Variants in ARMH4 observed in about 807,000 individuals in gnomAD.
ARMH4 encodes the protein armadillo-like helical domain-containing protein 4.
ARMH4 carries 49 observed loss-of-function variants against 61.9 expected under a neutral mutation model. The ratio of observed to expected loss-of-function variants is 0.79; its 90% CI spans 0.63 to 1.00. The LOEUF is 1.00. Ranked by LOEUF, ARMH4 falls within the 50% of genes least tolerant of loss-of-function variation. The pLI, the probability that ARMH4 is intolerant of heterozygous loss-of-function variation, is 0.00. For synonymous variants in ARMH4, 368 were observed against 341.5 expected, an observed-to-expected ratio of 1.08 and a Z score of -0.85; for missense variants, 934 against 930.0, an observed-to-expected ratio of 1.00 and a Z score of -0.06.
chr14:58,097,969 T>C (rs562860684), intron 4 of ARMH4, among the ~76,000 whole-genome samples: 64 of 152,196 alleles, frequency 4.2e-4, no homozygotes, highest in Non-Finnish European at 8.5e-4. Flanking sequence ...CTAGTAATAC[T>C]TCAAGGCCCC....
chr14:58,123,835 A>G (rs538117681), intron 4 of ARMH4, among the ~76,000 whole-genome samples: 9 of 152,356 alleles, frequency 5.9e-5, no homozygotes, highest in African/African-American at 2.2e-4. Flanking sequence ...GTCCTTCGGT[A>G]CATGGATGAT....
At chr14:58,098,972 A>G (rs1338387646) in intron 4 of ARMH4, among the ~76,000 whole-genome samples, 1 of 152,178 alleles carries the variant, frequency 6.6e-6, no homozygotes, top group Non-Finnish European at 1.5e-5. Flanking sequence ...CTAGGGTACA[A>G]TCTGGAAAGA....
intron 1 of ARMH4, among the ~76,000 whole-genome samples, chr14:58,151,781 G>C (rs995104750): frequency 1.3e-5 from 2 of 152,250 alleles, no homozygotes; most frequent in Non-Finnish European, 2.9e-5. Context: ...ACAAAGGCCG[G>C]CTCGCTGGTG....
intron 5 of ARMH4, among the ~76,000 whole-genome samples, chr14:58,075,938 A>C (rs1326269522): frequency 6.6e-6 from 1 of 152,202 alleles, no homozygotes; most frequent in Non-Finnish European, 1.5e-5. Flanking sequence ...ATAAGGTCTT[A>C]TAAGTTACCA....
At chr14:58,009,041 AC>A (rs1882288489) in intron 6 of ARMH4, among the ~76,000 whole-genome samples, 1 of 152,176 alleles carries the variant, frequency 6.6e-6, no homozygotes, top group African/African-American at 2.4e-5. Context: ...AGCCAAGAAG[AC>A]AGTTAATGAT....
chr14:58,066,995 A>G (rs1321379624), intron 5 of ARMH4, among the ~76,000 whole-genome samples: 1 of 152,352 alleles, frequency 6.6e-6, no homozygotes, highest in East Asian at 1.9e-4. Context: ...TGGAAAAAAT[A>G]TAATGTCAAC....
intron 6 of ARMH4, among the ~76,000 whole-genome samples, chr14:58,006,548 CA>C (rs1882175737): frequency 6.6e-6 from 1 of 152,186 alleles, no homozygotes; most frequent in Non-Finnish European, 1.5e-5. Context: ...TTCTGCCTCC[CA>C]GAGTCTTCAC....
intron 5 of ARMH4, among the ~76,000 whole-genome samples, chr14:58,025,671 C>G (rs564635757): frequency 6.6e-6 from 1 of 152,022 alleles, no homozygotes; most frequent in South Asian, 2.1e-4. Flanking sequence ...TTAAGAATAA[C>G]AAAACTTACT....
At chr14:58,119,710 A>G (rs1000438441) in intron 4 of ARMH4, among the ~76,000 whole-genome samples, 5 of 152,210 alleles carry the variant, frequency 3.3e-5, no homozygotes, top group African/African-American at 1.2e-4. Context: ...AGTTTACTGT[A>G]AACTAGATAT....
At chr14:58,147,751 T>C (rs74602039) in intron 1 of ARMH4, among the ~76,000 whole-genome samples, 1,667 of 152,322 alleles carry the variant, frequency 0.011, 38 homozygotes, top group African/African-American at 0.038. Flanking sequence ...AGGTATACTG[T>C]CGTTATTCCA....
At chr14:58,115,229 T>C (rs1886479398) in intron 4 of ARMH4, among the ~76,000 whole-genome samples, 1 of 151,902 alleles carries the variant, frequency 6.6e-6, no homozygotes, top group Non-Finnish European at 1.5e-5. Flanking sequence ...CTATGAGAAA[T>C]TTAAACAATT....
chr14:58,076,189 AGAGT>A (rs1885044803), intron 5 of ARMH4, among the ~76,000 whole-genome samples: 1 of 152,184 alleles, frequency 6.6e-6, no homozygotes, highest in Non-Finnish European at 1.5e-5. Flanking sequence ...ATCATTAAGC[AGAGT>A]AAGTTTCCAG....
intron 5 of ARMH4, among the ~76,000 whole-genome samples, chr14:58,080,296 A>G (rs537292880): frequency 6.8e-4 from 104 of 151,890 alleles, no homozygotes; most frequent in Non-Finnish European, 1.3e-3. Flanking sequence ...CACCTGGCTA[A>G]TTTTGTATAT....
intron 5 of ARMH4, among the ~76,000 whole-genome samples, chr14:58,055,195 C>T (rs184354747): frequency 2.5e-3 from 385 of 152,250 alleles, no homozygotes; most frequent in African/African-American, 9.0e-3. Context: ...GAAAATAAAG[C>T]GCTAAGAAAA....
At chr14:58,007,090 C>T (rs1256040670) in intron 6 of ARMH4, among the ~76,000 whole-genome samples, 1 of 152,078 alleles carries the variant, frequency 6.6e-6, no homozygotes, top group Non-Finnish European at 1.5e-5. Context: ...TTTTTCATGA[C>T]CATTCCCAGT....
chr14:58,095,243 C>T (rs7157427), intron 5 of ARMH4, among the ~76,000 whole-genome samples: 71,181 of 151,962 alleles, frequency 0.47, 16,963 homozygotes, highest in Non-Finnish European at 0.52. Flanking sequence ...CTAGAGCATC[C>T]GAATATCATC....
chr14:58,149,228 G>T (rs1444816000), intron 1 of ARMH4, among the ~76,000 whole-genome samples: 1 of 152,150 alleles, frequency 6.6e-6, no homozygotes, highest in African/African-American at 2.4e-5. Context: ...GTGGCAAATG[G>T]CATTAAGGTA....
chr14:58,044,739 A>G (rs1883868512), intron 5 of ARMH4, among the ~76,000 whole-genome samples: 1 of 152,236 alleles, frequency 6.6e-6, no homozygotes, highest in East Asian at 1.9e-4. Flanking sequence ...TAATATCCAG[A>G]ATCTACAAAG....
At position 58,096,858 on chromosome 14, in the gene ARMH4, T is replaced by A. The variant is rs1298492864; in HGVS notation, c.1955A>T (p.Glu652Val). ...SLDEGLDGDT[E>V]LPGFTLPGIT... is the part of the protein sequence containing the mutation. ...ACCAGGGAGGGTAAAACCTGGCAGC[T>A]CAGTGTCACCATCCAAGCCCTCATC... The change falls in exon 5 of 8, where the codon GAG (glutamate) becomes GTG (valine). Residue 652 changes from glutamate to valine, a missense_variant. By Grantham distance (121) the Glu-to-Val change is moderately radical (BLOSUM62 -2). Transcript: ENST00000267485. The A allele has an allele frequency of 6.2e-7, 1 of 1,614,004 alleles. No homozygotes were observed. Among genetic ancestry groups the A allele is most frequent in the Non-Finnish European group, 8.5e-7 (1 of 1,180,030 alleles).
Sources: gnomAD v4.1 joint callset for allele counts (sites outside exome capture counted in the v4.1 genomes callset) on GRCh38, gnomAD v4.1.1 for gene constraint, MANE v1.5 for transcripts, NCBI Gene and HGNC (gene_info 2026-07-23, HGNC 2026-07-21) for gene names.